Variants in CNTNAP5 observed in about 807,000 individuals in gnomAD.
The protein encoded by CNTNAP5 is contactin associated protein family member 5, also known as contactin-associated protein-like 5.
A neutral mutation model predicts 150.2 loss-of-function variants in CNTNAP5; 72 were observed. The ratio of observed to expected loss-of-function variants is 0.48; its 90% CI spans 0.40 to 0.58. CNTNAP5 has a LOEUF of 0.58. Among genes scored for constraint, CNTNAP5 ranks in the 20% least tolerant of loss-of-function variants. The pLI is 0.00. For missense variants in CNTNAP5, 1,636 were observed against 1,626.2 expected (o/e 1.01, Z -0.10); for synonymous variants, 672 against 619.8 (o/e 1.08, Z -1.25).
intron 17 of CNTNAP5, among the ~76,000 whole-genome samples, chr2:124,775,108 A>G (rs1302032960): frequency 6.6e-6 from 1 of 152,192 alleles, no homozygotes; most frequent in Non-Finnish European, 1.5e-5. Flanking sequence ...CTTGAAGAAG[A>G]ATAAAATGCT....
chr2:124,786,352 G>GGAAGAAAGAGAGA (rs1681572623), intron 17 of CNTNAP5, among the ~76,000 whole-genome samples: 4 of 59,222 alleles, frequency 6.8e-5, no homozygotes, highest in African/African-American at 2.9e-4. Context: ...AGAAAGAAAG[G>GGAAGAAAGAGAGA]AAGAAAGAAA....
intron 19 of CNTNAP5, among the ~76,000 whole-genome samples, chr2:124,811,463 T>G (rs970823223): frequency 6.6e-6 from 1 of 152,162 alleles, no homozygotes; most frequent in Non-Finnish European, 1.5e-5. Flanking sequence ...TACAGTTTTG[T>G]TAAAAGAAAA....
chr2:124,634,113 T>G (rs1359064591), intron 12 of CNTNAP5, among the ~76,000 whole-genome samples: 1 of 152,232 alleles, frequency 6.6e-6, no homozygotes, highest in Non-Finnish European at 1.5e-5. Context: ...TCTTTACTTA[T>G]GCAAATTTCT....
chr2:124,491,928 T>C (rs1304052), intron 7 of CNTNAP5, among the ~76,000 whole-genome samples: 19,189 of 152,070 alleles, frequency 0.13, 1,577 homozygotes, highest in Non-Finnish European at 0.19. Context: ...AGGTCTTTGC[T>C]CTTTTTATTA....
chr2:124,798,594 G>T (rs956761371), intron 19 of CNTNAP5, among the ~76,000 whole-genome samples: 1 of 152,130 alleles, frequency 6.6e-6, no homozygotes, highest in Non-Finnish European at 1.5e-5. Context: ...TTCTGTGCTG[G>T]AATCCATTAA....
intron 10 of CNTNAP5, among the ~76,000 whole-genome samples, chr2:124,550,915 G>A (rs1695613448): frequency 6.6e-6 from 1 of 152,018 alleles, no homozygotes; most frequent in Non-Finnish European, 1.5e-5. Context: ...AGGCTCAGGT[G>A]GTTTGTCATA....
chr2:124,581,631 A>T (rs1342316562), intron 11 of CNTNAP5, among the ~76,000 whole-genome samples: 2 of 152,218 alleles, frequency 1.3e-5, no homozygotes, highest in Non-Finnish European at 2.9e-5. Context: ...CAGGAAGCTG[A>T]AATGGAACAA....
intron 3 of CNTNAP5, among the ~76,000 whole-genome samples, chr2:124,356,465 A>T (rs1369429692): frequency 1.1e-4 from 7 of 64,180 alleles, no homozygotes; most frequent in Middle Eastern, 0.013. Context: ...CCCTCCCCCC[A>T]CCCCACCACA....
At chr2:124,237,376 G>A (rs1374962812) in intron 2 of CNTNAP5, among the ~76,000 whole-genome samples, 1 of 152,106 alleles carries the variant, frequency 6.6e-6, no homozygotes, top group Non-Finnish European at 1.5e-5. Flanking sequence ...TAGAAACTGA[G>A]GAATTTCTGC....
chr2:124,860,462 TCC>T (rs1558803839), intron 19 of CNTNAP5, among the ~76,000 whole-genome samples: 1 of 56,048 alleles, frequency 1.8e-5, no homozygotes, highest in Non-Finnish European at 3.5e-5. Context: ...TTTCCTTCCT[TCC>T]TTCCTTCCTT....
chr2:124,056,731 A>C (rs1387961723), intron 1 of CNTNAP5, among the ~76,000 whole-genome samples: 2 of 152,204 alleles, frequency 1.3e-5, no homozygotes, highest in Non-Finnish European at 2.9e-5. Context: ...CAAAGTGATA[A>C]CATACATGGA....
chr2:124,073,464 G>C, intron 1 of CNTNAP5, among the ~76,000 whole-genome samples: 1 of 152,208 alleles, frequency 6.6e-6, no homozygotes, highest in South Asian at 2.1e-4. Flanking sequence ...CTACCCATCT[G>C]ACAAGGGATT....
At chr2:124,194,105 C>T (rs911188321) in intron 1 of CNTNAP5, among the ~76,000 whole-genome samples, 1 of 151,964 alleles carries the variant, frequency 6.6e-6, no homozygotes, top group Non-Finnish European at 1.5e-5. Flanking sequence ...TATCCAGAGC[C>T]CTTTATGGGA....
At chr2:124,093,217 AC>A (rs1485326669) in intron 1 of CNTNAP5, among the ~76,000 whole-genome samples, 1 of 152,238 alleles carries the variant, frequency 6.6e-6, no homozygotes, top group African/African-American at 2.4e-5. Flanking sequence ...TCATTCTGGT[AC>A]ATTCTTGCAA....
chr2:124,088,162 T>C (rs970197663), intron 1 of CNTNAP5, among the ~76,000 whole-genome samples: 1 of 152,200 alleles, frequency 6.6e-6, no homozygotes, highest in African/African-American at 2.4e-5. Context: ...ATAAGTTTTA[T>C]TGTTTAATCT....
intron 1 of CNTNAP5, among the ~76,000 whole-genome samples, chr2:124,151,070 C>A (rs1684395364): frequency 6.6e-6 from 1 of 152,120 alleles, no homozygotes; most frequent in African/African-American, 2.4e-5. Context: ...GCAGGAAGTT[C>A]TAAGCAGAAG....
chr2:124,827,441 T>C (rs1038092093), intron 19 of CNTNAP5, among the ~76,000 whole-genome samples: 1 of 152,102 alleles, frequency 6.6e-6, no homozygotes, highest in Admixed American at 6.6e-5. Context: ...GCAGATGTGA[T>C]GAAAAAAGTC....
chr2:124,661,121 C>G (rs1177568425), intron 13 of CNTNAP5, among the ~76,000 whole-genome samples: 1 of 152,058 alleles, frequency 6.6e-6, no homozygotes, highest in African/African-American at 2.4e-5. Context: ...TTTATAAACA[C>G]TGCACACTTA....
intron 1 of CNTNAP5, among the ~76,000 whole-genome samples, chr2:124,083,776 C>T (rs556724021): frequency 3.3e-5 from 5 of 151,932 alleles, no homozygotes; most frequent in African/African-American, 4.8e-5. Flanking sequence ...TGTTTTCCTT[C>T]TTTCCAGCTT....
Sources: gnomAD v4.1 joint callset for allele counts (sites outside exome capture counted in the v4.1 genomes callset) on GRCh38, gnomAD v4.1.1 for gene constraint, MANE v1.5 for transcripts, NCBI Gene and HGNC (gene_info 2026-07-23, HGNC 2026-07-21) for gene names.